Variants in PXYLP1 observed in about 807,000 individuals in gnomAD.
PXYLP1 encodes the protein acid phosphatase-like 2.
PXYLP1 carries 17 observed loss-of-function variants against 37.9 expected under a neutral mutation model. That is an observed-to-expected ratio of 0.45 (90% CI 0.31 to 0.67). PXYLP1 has a LOEUF of 0.67. Ranked by LOEUF, PXYLP1 falls within the 30% of genes least tolerant of loss-of-function variation. The pLI, the probability that PXYLP1 is intolerant of heterozygous loss-of-function variation, is 0.07. For synonymous variants in PXYLP1, 221 were observed against 232.2 expected (o/e 0.95, Z 0.44); for missense variants, 511 against 612.0 (o/e 0.84, Z 1.74).
chr3:141,292,545 G>A lies in PXYLP1; in HGVS notation c.783G>A (p.Gln261=). 1 of 1,614,208 alleles carries A rather than the reference G, an allele frequency of 6.2e-7. No homozygotes were observed. Among genetic ancestry groups the A allele is most frequent in the South Asian group, 1.1e-5 (1 of 91,086 alleles). ...ATCTGGAAAAGGAGCAGCGTCGTCA[G>A]TACCTCCTACGTTTGAAAAACAGCC... ...NQYLEKEQRR[Q]YLLRLKNSQL... Residue 261 remains glutamine (Q), a synonymous_variant, in exon 6 of 6, where the codon CAG becomes CAA. Transcript: ENST00000286353. This position sits in a 1 kb window ranked among gnomAD's most constrained non-coding sequence, Gnocchi z 4.3.
chr3:141,273,747 A>G, intron 2 of PXYLP1: 2 of 985,440 alleles, frequency 2.0e-6, no homozygotes, highest in Non-Finnish European at 2.4e-6. Context: ...ACACCGCCAT[A>G]AAAGAGAGGC....
rs1332395039 is a variant in PXYLP1, at chr3:141,294,288, C to G, written c.*1083C>G. 1.3e-5 allele frequency: 2 copies of G among 152,186 alleles called. No individual in the cohort carries two copies. The highest frequency in any genetic ancestry group is 3.8e-4 in the East Asian group (2 of 5,198). The allele number at this position is 152,186 out of a possible 1,614,324, so 9.4% of individuals were successfully genotyped here. ...GCTAGAAGATGAATTCAGGCACTTT[C>G]TTCCAATAAAACTAATTATGGCTCA... On this transcript the variant is annotated 3_prime_UTR_variant, in exon 6 of 6. Coordinates refer to ENST00000286353, the MANE Select transcript of PXYLP1 (RefSeq NM_001037172.3).
intron 2 of PXYLP1, among the ~76,000 whole-genome samples, chr3:141,272,503 C>T (rs74781599): frequency 5.3e-4 from 72 of 134,840 alleles, no homozygotes; most frequent in African/African-American, 2.3e-3. Context: ...TTGATTAAGT[C>T]GTGTTTTGCT....
At chr3:141,252,611 A>G (rs978346342) in intron 1 of PXYLP1, among the ~76,000 whole-genome samples, 3 of 152,120 alleles carry the variant, frequency 2.0e-5, no homozygotes, top group South Asian at 2.1e-4. Flanking sequence ...CCATGACCCA[A>G]ACACCTCCCA....
intron 2 of PXYLP1, among the ~76,000 whole-genome samples, chr3:141,275,576 G>A (rs530999172): frequency 7.9e-5 from 12 of 152,370 alleles, no homozygotes; most frequent in Non-Finnish European, 1.8e-4. Context: ...GACTGCCTTA[G>A]CACTTTTCTA....
intron 2 of PXYLP1, 71 bp from the exon 3 acceptor site, chr3:141,278,271 C>T: frequency 1.3e-6 from 2 of 1,560,358 alleles, no homozygotes; most frequent in Non-Finnish European, 1.8e-6. Flanking sequence ...AAATCCAGCC[C>T]TGCGCTGGGC....
rs745965196 is a variant in PXYLP1, at chr3:141,278,404, A to G, written c.142A>G (p.Met48Val). 1.9e-6 allele frequency: 3 copies of G among 1,614,212 alleles called. No individual in the cohort carries two copies. The highest frequency in any genetic ancestry group is 2.5e-6 in the Non-Finnish European group (3 of 1,180,036). ...GMSSKSRKRIMPDPVTEPPVT... is the reference protein window; with the variant it reads ...GMSSKSRKRIVPDPVTEPPVT... The stretch of plus-strand genomic sequence containing the variant: ...GAGTAGCAAGAGTCGAAAGAGAATC[A>G]TGCCCGACCCTGTGACGGAGCCCCC... The change falls in exon 3 of 6, where the codon ATG (methionine) becomes GTG (valine). Residue 48 changes from methionine (M) to valine (V), a missense_variant. By Grantham distance (21) the Met-to-Val change is conservative (BLOSUM62 1). Coordinates refer to ENST00000286353, the MANE Select transcript of PXYLP1 (RefSeq NM_001037172.3).
chr3:141,246,671 C>G (rs1031365903), intron 1 of PXYLP1, among the ~76,000 whole-genome samples: 1 of 152,216 alleles, frequency 6.6e-6, no homozygotes, highest in African/African-American at 2.4e-5. Flanking sequence ...AGCACCTGCT[C>G]TGGACCAGGC....
intron 1 of PXYLP1, 94 bp from the exon 2 acceptor site, chr3:141,260,029 G>C: frequency 1.2e-6 from 1 of 858,466 alleles, no homozygotes; most frequent in Admixed American, 2.2e-5. Context: ...GGGCTAATCA[G>C]ATTATTATCA....
intron 5 of PXYLP1, among the ~76,000 whole-genome samples, chr3:141,288,357 G>C (rs1287563917): frequency 1.3e-5 from 2 of 152,200 alleles, no homozygotes; most frequent in Non-Finnish European, 2.9e-5. Context: ...CCATCCTATA[G>C]TAGGCCCTCT....
intron 1 of PXYLP1, among the ~76,000 whole-genome samples, chr3:141,247,612 C>T (rs1940991520): frequency 6.6e-6 from 1 of 152,188 alleles, no homozygotes; most frequent in Non-Finnish European, 1.5e-5. Flanking sequence ...CAAGACTTCA[C>T]ATTCTACAAC....
Position 141,279,477 on chromosome 3 carries a change from A to C in PXYLP1, c.338A>C (p.Glu113Ala). ...LYVIPKTKRPEIDCTLVANRK... is the reference protein window; with the variant it reads ...LYVIPKTKRPAIDCTLVANRK... ...GTCATTCCCAAAACAAAGCGACCAG[A>C]AATTGACTGCACTCTGGTGGCTAAC... The change falls in exon 4 of 6, where the codon GAA becomes GCA. Residue 113 changes from glutamate (E) to alanine (A), a missense_variant. Glu to Ala is a moderately radical substitution (Grantham distance 107, BLOSUM62 -1). Transcript: ENST00000286353. 1 of 1,614,256 alleles carries C rather than the reference A, an allele frequency of 6.2e-7. No individual in the cohort carries two copies.
intron 1 of PXYLP1, among the ~76,000 whole-genome samples, chr3:141,256,729 C>T (rs1002243430): frequency 6.6e-6 from 1 of 152,186 alleles, no homozygotes; most frequent in Non-Finnish European, 1.5e-5. Flanking sequence ...TCCTGGGATT[C>T]GGTGTTCCTC....
chr3:141,280,311 C>T (rs1941919772), intron 4 of PXYLP1, among the ~76,000 whole-genome samples: 1 of 152,216 alleles, frequency 6.6e-6, no homozygotes, highest in African/African-American at 2.4e-5. Flanking sequence ...GATTACCTCA[C>T]TACAGCCAGG....
intron 1 of PXYLP1, among the ~76,000 whole-genome samples, chr3:141,233,457 C>T (rs895265220): frequency 8.8e-6 from 1 of 114,036 alleles, no homozygotes; most frequent in Non-Finnish European, 1.7e-5. Context: ...AAGAGCAAAA[C>T]CCTGTCAAAA....
intron 1 of PXYLP1, among the ~76,000 whole-genome samples, chr3:141,241,103 A>G (rs568098194): frequency 1.6e-4 from 25 of 152,254 alleles, no homozygotes; most frequent in African/African-American, 5.8e-4. Flanking sequence ...AGGGGAGGAG[A>G]GGACACAACA....
chr3:141,237,104 A>G (rs1576571812), intron 1 of PXYLP1, among the ~76,000 whole-genome samples: 1 of 152,184 alleles, frequency 6.6e-6, no homozygotes, highest in African/African-American at 2.4e-5. Context: ...TTCCTCTAGA[A>G]TTCAGATCTC....
At chr3:141,276,049 A>G (rs1373450236) in intron 2 of PXYLP1, among the ~76,000 whole-genome samples, 1 of 152,216 alleles carries the variant, frequency 6.6e-6, no homozygotes, top group Non-Finnish European at 1.5e-5. Flanking sequence ...ACTGCTTACA[A>G]CATTCAGTGC....
chr3:141,253,989 G>A (rs1172304192), intron 1 of PXYLP1, among the ~76,000 whole-genome samples: 2 of 151,926 alleles, frequency 1.3e-5, no homozygotes, highest in Non-Finnish European at 2.9e-5. Flanking sequence ...TCAGCTCACT[G>A]CAGCCTCCAC....
Sources: allele counts gnomAD v4.1 joint callset (sites outside exome capture counted in the v4.1 genomes callset), GRCh38; gene constraint gnomAD v4.1.1; non-coding constraint Gnocchi (gnomAD v3.1); transcripts MANE v1.5; gene names NCBI Gene and HGNC (gene_info 2026-07-23, HGNC 2026-07-21).